Variants in AGMO observed in about 807,000 individuals in gnomAD.
The protein encoded by AGMO is glyceryl-ether monooxygenase.
AGMO carries 75 observed loss-of-function variants against 60.2 expected under a neutral mutation model. The observed-to-expected ratio is 1.25, with a 90% CI of 1.03 to 1.51. The LOEUF (loss-of-function observed/expected upper bound fraction) is 1.51, where lower values mean the gene tolerates loss of function less well. AGMO is among the 40% of genes most tolerant of loss of function. AGMO has a pLI of 0.00. For synonymous variants in AGMO, 261 were observed against 177.1 expected, an observed-to-expected ratio of 1.47 and a Z score of -3.76; for missense variants, 763 against 525.5, an observed-to-expected ratio of 1.45 and a Z score of -4.42.
At chr7:15,162,490 C>T in the AGMO span, among the ~76,000 whole-genome samples, 1 of 151,908 alleles carries the variant, frequency 6.6e-6, no homozygotes, top group Non-Finnish European at 1.5e-5. Context: ...CTCAGGAGTT[C>T]GAGAACAGCC....
intron 5 of AGMO, among the ~76,000 whole-genome samples, chr7:15,400,447 T>C (rs1031688099): frequency 6.6e-6 from 1 of 151,794 alleles, no homozygotes; most frequent in Non-Finnish European, 1.5e-5. Context: ...AGTGCTGAAG[T>C]TGAAGAATTC....
intron 12 of AGMO, among the ~76,000 whole-genome samples, chr7:15,237,184 G>T (rs1782448120): frequency 6.6e-6 from 1 of 152,106 alleles, no homozygotes; most frequent in South Asian, 2.1e-4. Flanking sequence ...AGAACAAGAG[G>T]AAGCAGATTC....
intron 12 of AGMO, among the ~76,000 whole-genome samples, chr7:15,212,556 T>C: frequency 6.6e-6 from 1 of 151,986 alleles, no homozygotes; most frequent in East Asian, 1.9e-4. Context: ...AAAAATATTT[T>C]ACTAAAATGA....
Position 15,347,309 on chromosome 7 carries a change from C to A in AGMO, c.1263+18205G>T, listed in dbSNP as rs540168886. On this transcript the variant is annotated intron_variant, in intron 12 of 12. Transcript: ENST00000342526. ...CAAACTTAACCTCTTAAAGGCAGAG[C>A]ACATTTGTGAATTGTAAATGCCAAA... 3.9e-5 allele frequency among the ~76,000 whole-genome samples: 6 copies of A among 152,164 alleles called. No homozygotes were observed. The East Asian group carries it at 1.2e-3, about 29-fold the overall frequency.
intron 3 of AGMO, among the ~76,000 whole-genome samples, chr7:15,445,728 A>G (rs187865728): frequency 1.8e-3 from 271 of 152,296 alleles, no homozygotes; most frequent in Non-Finnish European, 3.0e-3. Flanking sequence ...AGACATTTTT[A>G]AGTTCCCAAA....
chr7:15,288,405 A>G (rs1649317924), intron 12 of AGMO, among the ~76,000 whole-genome samples: 2 of 152,160 alleles, frequency 1.3e-5, no homozygotes, highest in African/African-American at 4.8e-5. Flanking sequence ...TTGTAGATGC[A>G]TTTCTTATCA....
chr7:15,561,756 G>C lies in AGMO; in HGVS notation c.90C>G (p.Phe30Leu). 1 of 1,611,400 alleles carries C rather than the reference G, an allele frequency of 6.2e-7. No individual in the cohort carries two copies. The highest frequency in any genetic ancestry group is 1.3e-5 in the African/African-American group (1 of 74,862). The change falls in exon 1 of 13, where the codon TTC (phenylalanine) becomes TTG (leucine). Residue 30 changes from phenylalanine (F) to leucine (L), a missense_variant. Transcript: ENST00000342526. ...AATCAGGCACCTCTTCTAATGTTTGGAATGAAGTTTCACTGGGTTTCATCG... is the reference window on the plus strand; with the variant it reads ...AATCAGGCACCTCTTCTAATGTTTGCAATGAAGTTTCACTGGGTTTCATCG... ...FYTMKPSETS[F>L]QTLEEVPDYV...
intron 3 of AGMO, among the ~76,000 whole-genome samples, chr7:15,530,991 A>ATATATTCTATATGTATATTCTATATG (rs71004388): frequency 0.067 from 615 of 9,198 alleles, 273 homozygotes; most frequent in East Asian, 0.44. Context: ...TATATTCTAT[A>ATATATTCTATATGTATATTCTATATG]TATATTCTAT....
At chr7:15,164,953 C>T in the AGMO span, among the ~76,000 whole-genome samples, 2 of 152,098 alleles carry the variant, frequency 1.3e-5, no homozygotes, top group East Asian at 3.9e-4. Context: ...TATCACAGCA[C>T]TATTCACAAT....
chr7:15,346,333 G>C (rs1464029848), intron 12 of AGMO, among the ~76,000 whole-genome samples: 2 of 151,946 alleles, frequency 1.3e-5, no homozygotes, highest in African/African-American at 4.8e-5. Flanking sequence ...AGCATTATTT[G>C]GTCTAGTCCC....
At chr7:15,229,707 T>A (rs573496660) in intron 12 of AGMO, among the ~76,000 whole-genome samples, 13 of 130,850 alleles carry the variant, frequency 9.9e-5, no homozygotes, top group Admixed American at 9.8e-4. Context: ...ATTATTTATA[T>A]ATATATTATA....
chr7:15,394,324 G>A (rs1784280914), intron 5 of AGMO, 145 bp from the exon 6 acceptor site: 1 of 645,476 alleles, frequency 1.5e-6, no homozygotes, highest in Non-Finnish European at 2.7e-6. Flanking sequence ...AAGTTCCACT[G>A]AAATCTGGAA....
chr7:15,206,193 A>G (rs545372346), intron 12 of AGMO, among the ~76,000 whole-genome samples: 53 of 152,262 alleles, frequency 3.5e-4, no homozygotes, highest in African/African-American at 1.3e-3. Context: ...AATTAGAGCC[A>G]AATGTACCAT....
Position 15,542,288 on chromosome 7 carries a change from T to A in AGMO, c.409+2484A>T, listed in dbSNP as rs750862467. ...TCCATAGCCTGAAGGTTGTGAATGT[T>A]TTTCCAGAAGGTTTTCAAAATTTTT... On this transcript the variant is annotated intron_variant, in intron 3 of 12. Coordinates refer to ENST00000342526, the MANE Select transcript of AGMO (RefSeq NM_001004320.2). Among the ~76,000 whole-genome samples, 5 of 152,318 alleles carry A rather than the reference T, an allele frequency of 3.3e-5. No individual in the cohort carries two copies. In the South Asian group the frequency reaches 1.0e-3, roughly 32 times the overall value.
intron 10 of AGMO, among the ~76,000 whole-genome samples, chr7:15,385,158 G>A (rs867513389): frequency 5.9e-5 from 9 of 152,124 alleles, no homozygotes; most frequent in Non-Finnish European, 2.9e-5. Flanking sequence ...TATTTTTATT[G>A]TAATTGTTTT....
intron 5 of AGMO, among the ~76,000 whole-genome samples, chr7:15,406,390 A>G (rs1784692464): frequency 7.0e-6 from 1 of 143,224 alleles, no homozygotes; most frequent in African/African-American, 2.6e-5. Flanking sequence ...ATATACATAT[A>G]TATGTATTCC....
At chr7:15,307,117 G>A (rs1483882656) in intron 12 of AGMO, among the ~76,000 whole-genome samples, 2 of 151,958 alleles carry the variant, frequency 1.3e-5, no homozygotes, top group African/African-American at 2.4e-5. Flanking sequence ...TACTAGTAAT[G>A]ATGATGACAT....
At chr7:15,471,177 T>C (rs765475006) in intron 3 of AGMO, among the ~76,000 whole-genome samples, 3 of 151,966 alleles carry the variant, frequency 2.0e-5, no homozygotes, top group Non-Finnish European at 2.9e-5. Flanking sequence ...TCCTCTATCA[T>C]GCTTTGTATT....
chr7:15,220,774 T>C (rs1052804543), intron 12 of AGMO, among the ~76,000 whole-genome samples: 7 of 152,190 alleles, frequency 4.6e-5, no homozygotes, highest in South Asian at 2.1e-4. Flanking sequence ...TAACAACATA[T>C]GCTATTATTA....
Sources: allele counts gnomAD v4.1 joint callset (sites outside exome capture counted in the v4.1 genomes callset), GRCh38; gene constraint gnomAD v4.1.1; transcripts MANE v1.5; gene names NCBI Gene and HGNC (gene_info 2026-07-23, HGNC 2026-07-21).